Variants in TP73 observed in about 807,000 individuals in gnomAD.
TP73 encodes p53-like transcription factor.
TP73 carries 25 observed loss-of-function variants against 62.5 expected under a neutral mutation model. The observed-to-expected ratio is 0.40, with a 90% CI of 0.29 to 0.56. The LOEUF is 0.56. Ranked by LOEUF, TP73 falls within the 20% of genes least tolerant of loss-of-function variation. The probability of loss-of-function intolerance (pLI) is 0.46; values close to 1 mark genes in which losing one functional copy is unlikely to be tolerated. For synonymous variants in TP73, 423 were observed against 377.5 expected (o/e 1.12, Z -1.40); for missense variants, 754 against 913.3 (o/e 0.83, Z 2.25).
rs139195958 is a variant in TP73, at chr1:3,663,532, G to A, written c.-34+10891G>A. The stretch of plus-strand genomic sequence containing the variant: ...AGATCGAGACTATACTGGCTCACAC[G>A]GTGAAACCCCATCTCTACTAAAAAA... On this transcript the variant is annotated intron_variant, in intron 1 of 13. Transcript: ENST00000378295. This position sits in a 1 kb window ranked among gnomAD's most constrained non-coding sequence, Gnocchi z 4.7. Among the ~76,000 whole-genome samples, 187 of 152,174 alleles carry A rather than the reference G, an allele frequency of 1.2e-3. No individual in the cohort carries two copies. Among genetic ancestry groups the A allele is most frequent in the African/African-American group, 4.0e-3 (168 of 41,516 alleles).
chr1:3,677,309 G>A (rs1007232070), intron 1 of TP73, among the ~76,000 whole-genome samples: 1 of 152,174 alleles, frequency 6.6e-6, no homozygotes, highest in Non-Finnish European at 1.5e-5. Flanking sequence ...GGCCCTCGGT[G>A]GCTGGTCTTT....
chr1:3,718,955 C>T (rs1640843261), intron 4 of TP73, among the ~76,000 whole-genome samples: 1 of 152,166 alleles, frequency 6.6e-6, no homozygotes, highest in African/African-American at 2.4e-5. Flanking sequence ...CCACTGTGTT[C>T]CCAGGGGACA....
intron 4 of TP73, 86 bp from the exon 5 acceptor site, chr1:3,721,935 G>A: frequency 7.1e-7 from 1 of 1,410,470 alleles, no homozygotes; most frequent in Non-Finnish European, 9.6e-7. Flanking sequence ...CACCCATGGG[G>A]AGGACGTGGC....
In TP73 at chr1:3,653,614, G is replaced by T. The variant is rs140294804; in HGVS notation, c.-34+973G>T. Among the ~76,000 whole-genome samples, 180 of 152,340 alleles carry T rather than the reference G, an allele frequency of 1.2e-3. 3 individuals carry two copies. In the East Asian group the frequency reaches 0.033, roughly 28 times the overall value. ...TGTTTATTCACTGTCTGGACATTTG[G>T]AAATGGCTCAGGCTCATTAACACAA... is the stretch of plus-strand genomic sequence containing the variant. On this transcript the variant is annotated intron_variant, in intron 1 of 13. Transcript: ENST00000378295.
At chr1:3,679,290 C>T (rs1031028157) in intron 1 of TP73, among the ~76,000 whole-genome samples, 6 of 152,312 alleles carry the variant, frequency 3.9e-5, no homozygotes, top group African/African-American at 9.6e-5. Flanking sequence ...CATGTTTTGC[C>T]GACCAGTTCC....
chr1:3,671,580 G>A (rs1230569345), intron 1 of TP73, among the ~76,000 whole-genome samples: 2 of 152,224 alleles, frequency 1.3e-5, no homozygotes, highest in African/African-American at 4.8e-5. Flanking sequence ...CTGCCTGGCG[G>A]GAAGGTGGAG....
chr1:3,655,194 C>A (rs1414195966), intron 1 of TP73, among the ~76,000 whole-genome samples: 1 of 152,192 alleles, frequency 6.6e-6, no homozygotes, highest in Non-Finnish European at 1.5e-5. Context: ...CAAGACCAGC[C>A]TGGGCAAAAT....
intron 3 of TP73, among the ~76,000 whole-genome samples, chr1:3,704,243 T>C (rs1369333197): frequency 1.3e-5 from 2 of 152,238 alleles, no homozygotes; most frequent in African/African-American, 4.8e-5. Context: ...GTCATTTAAT[T>C]ATTTCCTGTA....
At chr1:3,673,179 G>A (rs2102053559) in intron 1 of TP73, among the ~76,000 whole-genome samples, 1 of 152,370 alleles carries the variant, frequency 6.6e-6, no homozygotes, top group African/African-American at 2.4e-5. Flanking sequence ...CTGGTGCTCT[G>A]CAAAAGGGTG....
intron 6 of TP73, among the ~76,000 whole-genome samples, chr1:3,725,954 G>GTGGA (rs1297909118): frequency 1.5e-5 from 2 of 129,522 alleles, no homozygotes; most frequent in African/African-American, 5.9e-5. Context: ...AATGGGGGGA[G>GTGGA]TGGATGGATG....
chr1:3,664,155 G>C (rs1645060424), intron 1 of TP73, among the ~76,000 whole-genome samples: 1 of 152,226 alleles, frequency 6.6e-6, no homozygotes, highest in South Asian at 2.1e-4. Context: ...CTGGGCACGG[G>C]CCCCTGGGCA....
Position 3,735,177 on chromosome 1 carries a change from C to G in TP73, c.*2098C>G. 1 of 152,320 alleles carries G rather than the reference C, an allele frequency of 6.6e-6. No individual in the cohort carries two copies. Among genetic ancestry groups the G allele is most frequent in the Non-Finnish European group, 1.5e-5 (1 of 68,164 alleles). 9.4% of individuals were successfully genotyped at this position (152,320 alleles called of 1,614,324 possible). The stretch of plus-strand genomic sequence containing the variant: ...TCTTGGGGGCTGGGCACCTGCTACC[C>G]GAGGCCACCTCCTGAAGCCCCCACT... On this transcript the variant is annotated 3_prime_UTR_variant, in exon 14 of 14. Transcript: ENST00000378295.
At chr1:3,721,513 GTGGGCAACC>G (rs1641071997) in intron 4 of TP73, among the ~76,000 whole-genome samples, 1 of 152,264 alleles carries the variant, frequency 6.6e-6, no homozygotes, top group South Asian at 2.1e-4. Flanking sequence ...TGAATGCATA[GTGGGCAACC>G]AGCCCATCAC....
intron 1 of TP73, among the ~76,000 whole-genome samples, chr1:3,671,875 G>T (rs1010430900): frequency 1.3e-5 from 2 of 152,152 alleles, no homozygotes; most frequent in African/African-American, 4.8e-5. Context: ...CTGCACGGGG[G>T]AGGTCACGGG....
At chr1:3,705,742 T>G (rs3765753) in intron 3 of TP73, among the ~76,000 whole-genome samples, 98,072 of 152,066 alleles carry the variant, frequency 0.64, 32,320 homozygotes, top group Non-Finnish European at 0.72. Context: ...CACGTTGGAC[T>G]GCACTCAGTG....
rs1369279217 is a variant in TP73 at position 3,728,325 on chromosome 1, G to T, written c.1074+108G>T. 1.5e-5 allele frequency: 18 copies of T among 1,176,884 alleles called. No homozygotes were observed. The Middle Eastern group carries it at 7.9e-4, about 51-fold the overall frequency. The allele number at this position is 1,176,884 out of a possible 1,614,324, so 72.9% of individuals were successfully genotyped here. ...GACTCTGGAGACCATGGTGGAGGGGGCGGGAGGAGCCCAGCCCTGTGTGAG... is the reference window on the plus strand; with the variant it reads ...GACTCTGGAGACCATGGTGGAGGGGTCGGGAGGAGCCCAGCCCTGTGTGAG... On this transcript the variant is annotated intron_variant, in intron 9 of 13. Coordinates refer to ENST00000378295, the MANE Select transcript of TP73 (RefSeq NM_005427.4).
At position 3,734,082 on chromosome 1, in the gene TP73, C is replaced by G. The variant is rs922132245; in HGVS notation, c.*1003C>G. 6 of 152,176 alleles carry G rather than the reference C, an allele frequency of 3.9e-5. No homozygotes were observed. Among genetic ancestry groups the G allele is most frequent in the African/African-American group, 1.4e-4 (6 of 41,432 alleles). 9.4% of individuals were successfully genotyped at this position (152,176 alleles called of 1,614,324 possible). A position where few individuals can be genotyped will look rare whatever the true frequency, so the allele number is the denominator to read the frequency against. On this transcript the variant is annotated 3_prime_UTR_variant, in exon 14 of 14. Coordinates refer to ENST00000378295, the MANE Select transcript of TP73 (RefSeq NM_005427.4). This position sits in a 1 kb window ranked among gnomAD's most constrained non-coding sequence, Gnocchi z 4.4. Reference sequence around the variant, plus strand: ...AGCCTAGAGGGAACCCCAGGAAGGGCAAATCCAGGCAAATCTGCAGGAATG... The same window carrying G: ...AGCCTAGAGGGAACCCCAGGAAGGGGAAATCCAGGCAAATCTGCAGGAATG...
At chr1:3,721,647 A>G (rs745566351) in intron 4 of TP73, among the ~76,000 whole-genome samples, 3 of 152,164 alleles carry the variant, frequency 2.0e-5, no homozygotes, top group Non-Finnish European at 4.4e-5. Flanking sequence ...CATGGCTTCC[A>G]CAGGCCTGGC....
In TP73 at chr1:3,696,535, C is replaced by T. The variant is rs531909589; in HGVS notation, c.187-11014C>T. On this transcript the variant is annotated intron_variant, in intron 3 of 13. Coordinates refer to ENST00000378295, the MANE Select transcript of TP73 (RefSeq NM_005427.4). The surrounding 1 kb of genome is among the most constrained non-coding windows in gnomAD (Gnocchi z 4.1). ...GCTGAGCACTGGGCACTACGACATC[C>T]GAGACACCAAGCAGAGGGGGAGATG... Among the ~76,000 whole-genome samples, 8 of 151,676 alleles carry T rather than the reference C, an allele frequency of 5.3e-5. No individual in the cohort carries two copies. Among genetic ancestry groups the T allele is most frequent in the Admixed American group, 2.6e-4 (4 of 15,236 alleles).
Sources: gnomAD v4.1 joint callset for allele counts (sites outside exome capture counted in the v4.1 genomes callset) on GRCh38, gnomAD v4.1.1 for gene constraint, Gnocchi (gnomAD v3.1) non-coding constraint, MANE v1.5 for transcripts, NCBI Gene and HGNC (gene_info 2026-07-23, HGNC 2026-07-21) for gene names.